Variants in PRPF6 observed in about 807,000 individuals in gnomAD.
PRPF6 encodes the protein pre-mRNA-processing factor 6.
PRPF6 carries 42 observed loss-of-function variants against 118.3 expected under a neutral mutation model. The observed-to-expected ratio is 0.35, with a 90% confidence interval of 0.28 to 0.46. PRPF6 has a LOEUF of 0.46. PRPF6 is among the 20% of genes least tolerant of loss of function. PRPF6 has a pLI of 1.00. For synonymous variants in PRPF6, 481 were observed against 485.1 expected, an observed-to-expected ratio of 0.99 and a Z score of 0.11; for missense variants, 662 against 1,255.7, an observed-to-expected ratio of 0.53 and a Z score of 7.15.
Position 64,029,610 on chromosome 20 carries a change from G to A in PRPF6, c.2546+119G>A, listed in dbSNP as rs1009585820. 5 of 893,750 alleles carry A rather than the reference G, an allele frequency of 5.6e-6. No individual in the cohort carries two copies. The highest frequency in any genetic ancestry group is 4.0e-5 in the Admixed American group (2 of 49,438). The allele number at this position is 893,750 out of a possible 1,614,324, so 55.4% of individuals were successfully genotyped here. On this transcript the variant is annotated intron_variant, in intron 19 of 20. Coordinates refer to ENST00000266079, the MANE Select transcript of PRPF6 (RefSeq NM_012469.4). This position sits in a 1 kb window ranked among gnomAD's most constrained non-coding sequence, Gnocchi z 4.8. ...GCCCGGCAGCAGGGTGGGCTTCCCC[G>A]ATCCTCGGCTGCCGTCGCTCCTGCT...
intron 1 of PRPF6, 70 bp downstream of exon 1, chr20:63,981,386 G>C: frequency 1.4e-6 from 2 of 1,440,184 alleles, no homozygotes; most frequent in Non-Finnish European, 1.9e-6. Flanking sequence ...GGGCGTGTTT[G>C]GGGGCGGGGG....
At chr20:63,997,459 T>A (rs2059145833) in intron 6 of PRPF6, among the ~76,000 whole-genome samples, 1 of 142,756 alleles carries the variant, frequency 7.0e-6, no homozygotes, top group Admixed American at 6.9e-5. Flanking sequence ...CCCAGCTAAT[T>A]TTTTTTTTTT....
rs1255461800 is a variant in PRPF6 at position 64,020,762 on chromosome 20, G to A, written c.1648-1995G>A. Among the ~76,000 whole-genome samples the A allele has an allele frequency of 4.7e-5, 7 of 149,704 alleles. No individual in the cohort carries two copies. The East Asian group carries it at 5.8e-4, about 12-fold the overall frequency. On this transcript the variant is annotated intron_variant, in intron 12 of 20. Coordinates refer to ENST00000266079, the MANE Select transcript of PRPF6 (RefSeq NM_012469.4). ...TTTCTAATTAATGTAACTTTTTATC[G>A]TGGTAAATATATACTATACCTAATT... is the stretch of plus-strand genomic sequence containing the variant.
At position 64,029,644 on chromosome 20, in the gene PRPF6, G is replaced by C. The variant is rs2059306242; in HGVS notation, c.2546+153G>C. ...CTGCCGTCGCTCCTGCTGTGGTCTG[G>C]GGCAGGCGCCTCTCCTGGCAGACAC... On this transcript the variant is annotated intron_variant, in intron 19 of 20. Transcript: ENST00000266079. The surrounding 1 kb of genome is among the most constrained non-coding windows in gnomAD (Gnocchi z 4.8). Among the ~76,000 whole-genome samples, 1 of 152,268 alleles carries C rather than the reference G, an allele frequency of 6.6e-6. No homozygotes were observed. The highest frequency in any genetic ancestry group is 1.9e-4 in the East Asian group (1 of 5,200).
chr20:64,029,614 C>A lies in PRPF6; in HGVS notation c.2546+123C>A. 1.2e-6 allele frequency: 1 copy of A among 865,666 alleles called. No individual in the cohort carries two copies. The highest frequency in any genetic ancestry group is 1.9e-6 in the Non-Finnish European group (1 of 537,100). 53.6% of individuals were successfully genotyped at this position (865,666 alleles called of 1,614,324 possible). On this transcript the variant is annotated intron_variant, in intron 19 of 20. Transcript: ENST00000266079. This position sits in a 1 kb window ranked among gnomAD's most constrained non-coding sequence, Gnocchi z 4.8. ...GGCAGCAGGGTGGGCTTCCCCGATC[C>A]TCGGCTGCCGTCGCTCCTGCTGTGG...
rs866626606 is a variant in PRPF6 at position 63,993,677 on chromosome 20, T to C, written c.438+192T>C. 2.7e-5 allele frequency among the ~76,000 whole-genome samples: 4 copies of C among 148,916 alleles called. 1 individual carries two copies. The highest frequency in any genetic ancestry group is 4.5e-5 in the Non-Finnish European group (3 of 66,002). On this transcript the variant is annotated intron_variant, in intron 4 of 20. Coordinates refer to ENST00000266079, the MANE Select transcript of PRPF6 (RefSeq NM_012469.4). Reference sequence around the variant, plus strand: ...GTGTAAAAAAAAACCCTTCCCCTACTGTAAAAGGTAGGACAAATGAACTTA... The same window carrying C: ...GTGTAAAAAAAAACCCTTCCCCTACCGTAAAAGGTAGGACAAATGAACTTA...
intron 9 of PRPF6, among the ~76,000 whole-genome samples, chr20:64,003,658 C>T (rs1179464390): frequency 2.6e-5 from 4 of 152,166 alleles, no homozygotes; most frequent in Non-Finnish European, 4.4e-5. Flanking sequence ...TGCAGTGGCA[C>T]GACCTCGGCT....
chr20:64,021,578 A>G (rs2059264215), intron 12 of PRPF6, among the ~76,000 whole-genome samples: 1 of 132,136 alleles, frequency 7.6e-6, no homozygotes, highest in Non-Finnish European at 1.6e-5. Context: ...GTGTGTGTGC[A>G]CATATGCATA....
chr20:63,987,188 AAGG>A (rs1213278721), intron 3 of PRPF6, among the ~76,000 whole-genome samples: 2 of 137,248 alleles, frequency 1.5e-5, no homozygotes, highest in Non-Finnish European at 3.3e-5. Flanking sequence ...AAAAAAAAAA[AAGG>A]GGGGGGGAGC....
intron 2 of PRPF6, among the ~76,000 whole-genome samples, chr20:63,983,900 G>A (rs1048467235): frequency 2.0e-5 from 3 of 152,096 alleles, no homozygotes; most frequent in Admixed American, 6.6e-5. Context: ...TTGTCCGCAC[G>A]CTTCGGCTTC....
At chr20:63,990,801 C>T (rs905351279) in intron 3 of PRPF6, among the ~76,000 whole-genome samples, 3 of 152,022 alleles carry the variant, frequency 2.0e-5, no homozygotes, top group African/African-American at 7.2e-5. Flanking sequence ...TGCACCGCCA[C>T]GCCCGGCTGA....
chr20:64,025,700 C>T (rs1353260824), intron 14 of PRPF6, among the ~76,000 whole-genome samples: 1 of 152,238 alleles, frequency 6.6e-6, no homozygotes, highest in Non-Finnish European at 1.5e-5. Flanking sequence ...GCTTTAGCAG[C>T]CTCTTCACTG....
At chr20:63,991,382 A>T (rs2059117859) in intron 3 of PRPF6, among the ~76,000 whole-genome samples, 1 of 152,074 alleles carries the variant, frequency 6.6e-6, no homozygotes, top group African/African-American at 2.4e-5. Context: ...TGCTTATGCC[A>T]CTGTGCTCCA....
At chr20:63,997,827 G>A (rs2059147856) in intron 6 of PRPF6, among the ~76,000 whole-genome samples, 4 of 151,952 alleles carry the variant, frequency 2.6e-5, no homozygotes, top group Non-Finnish European at 2.9e-5. Flanking sequence ...CACGTGGCTC[G>A]GCCTCCCAAA....
chr20:63,999,176 ACT>A (rs1283291093), intron 7 of PRPF6, 37 bp downstream of exon 7: 1 of 1,561,066 alleles, frequency 6.4e-7, no homozygotes, highest in Non-Finnish European at 8.8e-7. Context: ...TGGGATGGAG[ACT>A]CTAGTTGCCT....
In PRPF6 at chr20:64,027,850, C is replaced by CT; in HGVS notation, c.2339+116dup. 6.8e-7 allele frequency: 1 copy of CT among 1,477,814 alleles called. No individual in the cohort carries two copies. 91.5% of individuals were successfully genotyped at this position (1,477,814 alleles called of 1,614,324 possible). ...CGTGCAGTGCTTCCAGGCTCAGGGGCTTGGGGGGCGGTAGGTGCTGGCCAT... is the reference window on the plus strand; with the variant it reads ...CGTGCAGTGCTTCCAGGCTCAGGGGCTTTGGGGGGCGGTAGGTGCTGGCCAT... On this transcript the variant is annotated intron_variant, in intron 17 of 20. Transcript: ENST00000266079. This position sits in a 1 kb window ranked among gnomAD's most constrained non-coding sequence, Gnocchi z 6.5.
At chr20:64,032,782 C>T (rs543028184) in intron 20 of PRPF6, 59 bp from the exon 21 acceptor site, 8 of 1,553,748 alleles carry the variant, frequency 5.1e-6, no homozygotes, top group African/African-American at 4.1e-5. Context: ...GAGAAGCAGG[C>T]GAGGTCCGGG....
At chr20:64,005,576 C>T (rs1022932690) in intron 9 of PRPF6, among the ~76,000 whole-genome samples, 1 of 152,016 alleles carries the variant, frequency 6.6e-6, no homozygotes, top group African/African-American at 2.4e-5. Flanking sequence ...GGATGAGTAA[C>T]CCAAATCTTT....
intron 12 of PRPF6, 95 bp downstream of exon 12, chr20:64,016,940 T>C: frequency 8.5e-6 from 2 of 236,316 alleles, no homozygotes; most frequent in South Asian, 1.2e-4. Context: ...TTTAAAACTC[T>C]TTTTTTTTTT....
Sources: gnomAD v4.1 joint callset for allele counts (sites outside exome capture counted in the v4.1 genomes callset) on GRCh38, gnomAD v4.1.1 for gene constraint, Gnocchi (gnomAD v3.1) non-coding constraint, MANE v1.5 for transcripts, NCBI Gene and HGNC (gene_info 2026-07-23, HGNC 2026-07-21) for gene names.